ADGRV1: variants seen among roughly 807,000 people sequenced by gnomAD.
ADGRV1 encodes the protein G-protein coupled receptor 98.
ADGRV1 carries 359 observed loss-of-function variants against 596.2 expected under a neutral mutation model. That is an observed-to-expected ratio of 0.60 (90% CI 0.55 to 0.66). The LOEUF (loss-of-function observed/expected upper bound fraction) is 0.66. Among genes scored for constraint, ADGRV1 ranks in the 30% least tolerant of loss-of-function variants. The pLI, the probability that ADGRV1 is intolerant of heterozygous loss-of-function variation, is 0.00. For synonymous variants in ADGRV1, 2,681 were observed against 2,679.2 expected (o/e 1.00, Z -0.02); for missense variants, 7,274 against 7,575.6 (o/e 0.96, Z 1.48).
At chr5:91,144,170 C>T (rs1032496150) in intron 87 of ADGRV1, among the ~76,000 whole-genome samples, 4 of 152,142 alleles carry the variant, frequency 2.6e-5, no homozygotes, top group Admixed American at 1.3e-4. Flanking sequence ...TGCTGCCAGC[C>T]CCCCACCAGC....
At chr5:90,999,460 G>A (rs1781687980) in intron 85 of ADGRV1, among the ~76,000 whole-genome samples, 1 of 151,876 alleles carries the variant, frequency 6.6e-6, no homozygotes, top group South Asian at 2.1e-4. Context: ...GCAGAATCAG[G>A]AAGATTAATG....
At chr5:90,703,039 A>G (rs559870695) in intron 34 of ADGRV1, among the ~76,000 whole-genome samples, 1 of 152,108 alleles carries the variant, frequency 6.6e-6, no homozygotes, top group African/African-American at 2.4e-5. Context: ...TTATATGGGG[A>G]AAAAAGCCAG....
At chr5:90,672,508 T>C (rs2149538670) in intron 21 of ADGRV1, 38 bp from the exon 22 acceptor site, 1 of 1,496,520 alleles carries the variant, frequency 6.7e-7, no homozygotes, top group South Asian at 1.2e-5. Flanking sequence ...CTGATTTGAA[T>C]TGCTATGCAC....
At chr5:90,747,591 A>G (rs1190932590) in intron 52 of ADGRV1, among the ~76,000 whole-genome samples, 1 of 152,080 alleles carries the variant, frequency 6.6e-6, no homozygotes, top group Non-Finnish European at 1.5e-5. Context: ...GATGTATAAA[A>G]TGTTGCCAAC....
chr5:90,965,616 G>A (rs1163768347), intron 84 of ADGRV1, 85 bp downstream of exon 84: 2 of 679,822 alleles, frequency 2.9e-6, no homozygotes, highest in Non-Finnish European at 2.5e-6. Context: ...ACTCTGTACT[G>A]AAGTAGAAGT....
intron 45 of ADGRV1, 134 bp from the exon 46 acceptor site, chr5:90,724,698 A>G: frequency 1.5e-6 from 1 of 664,786 alleles, no homozygotes; most frequent in Non-Finnish European, 2.6e-6. Context: ...GTCTTTTCAC[A>G]CTCATACACA....
chr5:91,046,355 A>G (rs1023006155), intron 85 of ADGRV1, among the ~76,000 whole-genome samples: 1 of 152,186 alleles, frequency 6.6e-6, no homozygotes, highest in Non-Finnish European at 1.5e-5. Flanking sequence ...GAACCTAGAA[A>G]TAAAGTCAAA....
At chr5:90,677,766 T>C (rs1409178102) in intron 25 of ADGRV1, among the ~76,000 whole-genome samples, 1 of 152,178 alleles carries the variant, frequency 6.6e-6, no homozygotes, top group Admixed American at 6.6e-5. Context: ...TGCAGTTGCG[T>C]AGGAAGCAAT....
chr5:90,633,045 T>A (rs995461541), intron 9 of ADGRV1, among the ~76,000 whole-genome samples: 2 of 152,206 alleles, frequency 1.3e-5, no homozygotes, highest in African/African-American at 4.8e-5. Context: ...CATTCTTTAG[T>A]AACCCTCTCA....
Position 90,697,104 on chromosome 5 carries a change from G to C in ADGRV1, c.8113G>C (p.Val2705Leu), listed in dbSNP as rs1429578821. The C allele has an allele frequency of 1.2e-5, 20 of 1,613,274 alleles. No individual in the cohort carries two copies. Among genetic ancestry groups the C allele is most frequent in the Non-Finnish European group, 1.7e-5 (20 of 1,179,448 alleles). The part of the protein sequence containing the change: ...ILANDNVAGI[V>L]SFQTASRSVI... ...GGCCAATGACAATGTGGCAGGAATT[G>C]TTAGCTTTCAGACAGCTTCCAGATC... Residue 2705 changes from valine (V) to leucine (L), a missense_variant, in exon 34 of 90, where the codon GTT (valine) becomes CTT (leucine). Val to Leu is a conservative substitution (Grantham distance 32). Coordinates refer to ENST00000405460, the MANE Select transcript of ADGRV1 (RefSeq NM_032119.4).
rs374598651 is a variant in ADGRV1, at chr5:90,647,460, A to G, written c.3023-38A>G. Reference sequence around the variant, plus strand: ...TGATCTGAAAATATGTGATGGAATCAGAAAAGCTCATGTGTTCTTTCTTTG... The same window carrying G: ...TGATCTGAAAATATGTGATGGAATCGGAAAAGCTCATGTGTTCTTTCTTTG... On this transcript the variant is annotated intron_variant, in intron 16 of 89. Coordinates refer to ENST00000405460, the MANE Select transcript of ADGRV1 (RefSeq NM_032119.4). 5.1e-6 allele frequency: 8 copies of G among 1,572,080 alleles called. No homozygotes were observed. In the African/African-American group the frequency reaches 9.5e-5, roughly 19 times the overall value.
At chr5:90,812,222 G>A (rs56886929) in intron 74 of ADGRV1, among the ~76,000 whole-genome samples, 2,063 of 151,954 alleles carry the variant, frequency 0.014, 15 homozygotes, top group Middle Eastern at 0.055. Flanking sequence ...CACTGCACCC[G>A]GCCTGAAATC....
chr5:90,943,410 T>C (rs1776321417), intron 83 of ADGRV1, among the ~76,000 whole-genome samples: 1 of 152,094 alleles, frequency 6.6e-6, no homozygotes, highest in South Asian at 2.1e-4. Context: ...GGCACATTCT[T>C]CCTTATCTTG....
intron 75 of ADGRV1, among the ~76,000 whole-genome samples, chr5:90,823,159 A>T (rs1362585065): frequency 6.6e-6 from 1 of 152,170 alleles, no homozygotes; most frequent in Non-Finnish European, 1.5e-5. Context: ...TACATTCCTT[A>T]TACAGAGTAT....
At chr5:90,823,033 A>C (rs987165226) in intron 75 of ADGRV1, among the ~76,000 whole-genome samples, 16 of 152,196 alleles carry the variant, frequency 1.1e-4, no homozygotes, top group Admixed American at 7.9e-4. Flanking sequence ...TTCTGGGCTG[A>C]GATGATGGGG....
chr5:90,766,544 G>C (rs1362612090), intron 59 of ADGRV1, among the ~76,000 whole-genome samples: 1 of 152,040 alleles, frequency 6.6e-6, no homozygotes, highest in Non-Finnish European at 1.5e-5. Flanking sequence ...AATTAAGGAA[G>C]TATTTCAGCC....
chr5:90,756,763 T>C, intron 56 of ADGRV1, 133 bp downstream of exon 56: 1 of 822,268 alleles, frequency 1.2e-6, no homozygotes, highest in Non-Finnish European at 1.9e-6. Flanking sequence ...ATAAACTAAT[T>C]CTTAGGTCTC....
chr5:90,625,212 T>C lies in ADGRV1; in HGVS notation c.641T>C (p.Val214Ala). ...ACCTTTCCCCCTGGCAGAGCAACAG[T>C]AATTTATAACTTGACAGTACTCGAT... ...NITFPPGRAT[V>A]IYNLTVLDDE... The change falls in exon 6 of 90, where the codon GTA becomes GCA. Residue 214 changes from valine to alanine, a missense_variant. Val to Ala is a moderately conservative substitution (Grantham distance 64, BLOSUM62 0). Transcript: ENST00000405460. The C allele has an allele frequency of 6.2e-7, 1 of 1,613,014 alleles. No individual in the cohort carries two copies. The highest frequency in any genetic ancestry group is 1.3e-5 in the African/African-American group (1 of 75,008).
intron 85 of ADGRV1, among the ~76,000 whole-genome samples, chr5:91,063,204 C>T (rs1194669722): frequency 2.6e-5 from 4 of 151,940 alleles, no homozygotes; most frequent in Non-Finnish European, 4.4e-5. Context: ...AGCGATCTGC[C>T]CACCTCGGCC....
Sources: gnomAD v4.1 joint callset for allele counts (sites outside exome capture counted in the v4.1 genomes callset) on GRCh38, gnomAD v4.1.1 for gene constraint, MANE v1.5 for transcripts, NCBI Gene and HGNC (gene_info 2026-07-23, HGNC 2026-07-21) for gene names.